Variants in CRB1 observed in about 807,000 individuals in gnomAD.
The protein encoded by CRB1 is crumbs cell polarity complex component 1, also known as protein crumbs homolog 1.
CRB1 carries 83 observed loss-of-function variants against 120.0 expected under a neutral mutation model. The ratio of observed to expected loss-of-function variants is 0.69; its 90% CI spans 0.58 to 0.83. CRB1 has a LOEUF of 0.83. Among genes scored for constraint, CRB1 ranks in the 40% least tolerant of loss-of-function variants. The pLI, the probability that CRB1 is intolerant of heterozygous loss-of-function variation, is 0.00. For missense variants in CRB1, 1,699 were observed against 1,687.6 expected, an observed-to-expected ratio of 1.01 and a Z score of -0.12; for synonymous variants, 625 against 612.5, an observed-to-expected ratio of 1.02 and a Z score of -0.30.
chr1:197,391,023 G>A (rs1662480722), intron 5 of CRB1, among the ~76,000 whole-genome samples: 1 of 152,028 alleles, frequency 6.6e-6, no homozygotes, highest in Admixed American at 6.6e-5. Flanking sequence ...CAGGCAAAGA[G>A]TTGCAAGCAG....
intron 2 of CRB1, among the ~76,000 whole-genome samples, chr1:197,336,743 C>A (rs923358929): frequency 6.6e-6 from 1 of 152,142 alleles, no homozygotes; most frequent in Non-Finnish European, 1.5e-5. Context: ...TGACAAAATG[C>A]TCACAAATTA....
the CRB1 span, among the ~76,000 whole-genome samples, chr1:197,251,671 G>GTATC: frequency 6.6e-6 from 1 of 151,908 alleles, no homozygotes; most frequent in Non-Finnish European, 1.5e-5. Flanking sequence ...TTATGACACT[G>GTATC]TATCTGTCAG....
At chr1:197,462,539 G>C (rs561208147) in intron 11 of CRB1, among the ~76,000 whole-genome samples, 27 of 152,168 alleles carry the variant, frequency 1.8e-4, no homozygotes, top group Non-Finnish European at 3.1e-4. Context: ...TACTCCCTTT[G>C]GTCCTAAAAA....
chr1:197,357,046 T>C (rs774509726), intron 5 of CRB1, 33 bp downstream of exon 5: 1 of 1,608,288 alleles, frequency 6.2e-7, no homozygotes, highest in Non-Finnish European at 8.5e-7. Flanking sequence ...TGACTTGACT[T>C]TCTGGTATTT....
the CRB1 span, among the ~76,000 whole-genome samples, chr1:197,207,160 T>C: frequency 6.6e-6 from 1 of 152,168 alleles, no homozygotes; most frequent in African/African-American, 2.4e-5. Flanking sequence ...TGAATTCTTA[T>C]CCATTCTGCC....
the CRB1 span, among the ~76,000 whole-genome samples, chr1:197,253,683 A>T: frequency 6.6e-6 from 1 of 152,114 alleles, no homozygotes; most frequent in Non-Finnish European, 1.5e-5. Flanking sequence ...ACATAATATA[A>T]TATATGGGTT....
At chr1:197,290,502 C>G (rs1656111232) in intron 1 of CRB1, among the ~76,000 whole-genome samples, 1 of 151,494 alleles carries the variant, frequency 6.6e-6, no homozygotes, top group Non-Finnish European at 1.5e-5. Flanking sequence ...TTCACATCCC[C>G]CCAGCTCCTT....
rs562543386 is a variant in CRB1, at chr1:197,457,937, T to C, written c.4005+15645T>C. 5.3e-5 allele frequency among the ~76,000 whole-genome samples: 8 copies of C among 152,256 alleles called. No individual in the cohort carries two copies. The South Asian group carries it at 1.7e-3, about 32-fold the overall frequency. On this transcript the variant is annotated intron_variant, in intron 11 of 11. Transcript: ENST00000367400. ...AATGCCCATGTTTTTATTGATAGTG[T>C]AAGTGCCACACTGTGTTTATAATTA...
At chr1:197,395,365 A>G (rs1662720267) in intron 5 of CRB1, among the ~76,000 whole-genome samples, 1 of 152,156 alleles carries the variant, frequency 6.6e-6, no homozygotes, top group Middle Eastern at 3.2e-3. Context: ...CAAGGAAGCA[A>G]AAAAACAAAT....
At chr1:197,294,231 AC>A in intron 1 of CRB1, among the ~76,000 whole-genome samples, 1 of 152,006 alleles carries the variant, frequency 6.6e-6, no homozygotes, top group East Asian at 1.9e-4. Flanking sequence ...AAATCAAACA[AC>A]CCCATCAAAA....
intron 1 of CRB1, among the ~76,000 whole-genome samples, chr1:197,292,160 T>C (rs1425488538): frequency 1.3e-5 from 2 of 151,888 alleles, no homozygotes; most frequent in Non-Finnish European, 1.5e-5. Flanking sequence ...ACAAAATTGA[T>C]AGACCGCTAG....
the CRB1 span, among the ~76,000 whole-genome samples, chr1:197,237,997 T>C: frequency 6.6e-6 from 1 of 152,196 alleles, no homozygotes; most frequent in African/African-American, 2.4e-5. Context: ...TTAATTTTCC[T>C]CTCAGCAATA....
intron 1 of CRB1, among the ~76,000 whole-genome samples, chr1:197,312,478 A>G (rs11806323): frequency 0.072 from 10,942 of 152,302 alleles, 1,342 homozygotes; most frequent in African/African-American, 0.25. Flanking sequence ...AGCCATCAGG[A>G]GGCTGAGGCA....
At chr1:197,223,983 G>C in the CRB1 span, among the ~76,000 whole-genome samples, 1 of 152,088 alleles carries the variant, frequency 6.6e-6, no homozygotes, top group Non-Finnish European at 1.5e-5. Context: ...TTCTCCCCCT[G>C]TGTAAGGTAC....
At chr1:197,203,392 T>C in the CRB1 span, among the ~76,000 whole-genome samples, 1 of 152,198 alleles carries the variant, frequency 6.6e-6, no homozygotes, top group Non-Finnish European at 1.5e-5. Context: ...CTATCTTGGC[T>C]CACTGCAACC....
In CRB1 at chr1:197,434,859, T is replaced by G. The variant is rs771659302; in HGVS notation, c.2996T>G (p.Leu999Arg). 6.2e-7 allele frequency: 1 copy of G among 1,613,874 alleles called. No individual in the cohort carries two copies. The highest frequency in any genetic ancestry group is 1.1e-5 in the South Asian group (1 of 91,086). Residue 999 changes from leucine to arginine, a missense_variant, in exon 9 of 12, where the codon CTT becomes CGT. Physicochemically the swap from Leu to Arg is moderately radical, Grantham distance 102. Coordinates refer to ENST00000367400, the MANE Select transcript of CRB1 (RefSeq NM_201253.3). Reference protein sequence around the residue: ...ILHAEKEPEFLNISIQDSRLF... With the variant: ...ILHAEKEPEFRNISIQDSRLF... ...CATGCAGAAAAAGAGCCTGAATTTC[T>G]TAATATTAGCATTCAAGATTCCAGA...
intron 5 of CRB1, among the ~76,000 whole-genome samples, chr1:197,375,053 C>T (rs547783932): frequency 2.0e-5 from 3 of 152,266 alleles, no homozygotes; most frequent in South Asian, 4.1e-4. Flanking sequence ...TACATCTGAA[C>T]CCATCCCAAA....
At position 197,317,512 on chromosome 1, in the gene CRB1, A is replaced by G. The variant is rs568656706; in HGVS notation, c.71-10910A>G. 2.0e-5 allele frequency among the ~76,000 whole-genome samples: 3 copies of G among 152,340 alleles called. No individual in the cohort carries two copies. In the South Asian group the frequency reaches 6.2e-4, roughly 32 times the overall value. Reference sequence around the variant, plus strand: ...AAAAAAAATCTTAAAATTTGTGTGCAACCACAGAAGGCCCCAAATTACCCA... The same window carrying G: ...AAAAAAAATCTTAAAATTTGTGTGCGACCACAGAAGGCCCCAAATTACCCA... On this transcript the variant is annotated intron_variant, in intron 1 of 11. Transcript: ENST00000367400.
chr1:197,231,882 C>A, the CRB1 span, among the ~76,000 whole-genome samples: 1 of 152,110 alleles, frequency 6.6e-6, no homozygotes, highest in Admixed American at 6.6e-5. Context: ...GCCTACCCCA[C>A]CTCGACCAAA....
Sources: allele counts gnomAD v4.1 joint callset (sites outside exome capture counted in the v4.1 genomes callset), GRCh38; gene constraint gnomAD v4.1.1; transcripts MANE v1.5; gene names NCBI Gene and HGNC (gene_info 2026-07-23, HGNC 2026-07-21).